The following GNL3L variants were observed in gnomAD, a reference collection of about 807,000 sequenced individuals.
GNL3L encodes the protein guanine nucleotide-binding protein-like 3-like protein.
GNL3L carries 4 observed loss-of-function variants against 42.9 expected under a neutral mutation model. The ratio of observed to expected loss-of-function variants is 0.09; its 90% CI spans 0.05 to 0.21. GNL3L has a LOEUF of 0.21. GNL3L is among the 10% of genes least tolerant of loss of function. The pLI is 1.00. For synonymous variants in GNL3L, 159 were observed against 176.3 expected (o/e 0.90, Z 0.78); for missense variants, 412 against 481.7 (o/e 0.86, Z 1.36).
At chrX:54,644,270 A>G in the GNL3L span, among the ~76,000 whole-genome samples, 55 of 112,205 alleles carry the variant, frequency 4.9e-4, no homozygotes, top group Middle Eastern at 0.014. Context: ...CATCCTTGCC[A>G]GCATCCGTTA....
At chrX:54,631,214 G>A in the GNL3L span, among the ~76,000 whole-genome samples, 100 of 111,718 alleles carry the variant, frequency 9.0e-4, no homozygotes, top group Non-Finnish European at 1.5e-3. Context: ...TTCTAAAGTT[G>A]TTGGGTAGAA....
downstream of GNL3L, among the ~76,000 whole-genome samples, chrX:54,567,955 A>G (rs1043024688): frequency 6.6e-5 from 7 of 106,071 alleles, no homozygotes; most frequent in Non-Finnish European, 1.2e-4. Context: ...CCACTTTGTC[A>G]TGATGTATTA....
chrX:54,553,454 C>T (rs1040368137), intron 13 of GNL3L, among the ~76,000 whole-genome samples: 2 of 112,541 alleles, frequency 1.8e-5, no homozygotes, highest in Non-Finnish European at 3.8e-5. Context: ...CCTTGTGTTA[C>T]ACACGAGGTT....
chrX:54,588,689 G>A (rs1193503863), intron 16 of GNL3L, among the ~76,000 whole-genome samples: 1 of 111,502 alleles, frequency 9.0e-6, no homozygotes, highest in Non-Finnish European at 1.9e-5. Flanking sequence ...GCCAGGCGTG[G>A]TGGCACACGC....
intron 5 of GNL3L, 130 bp downstream of exon 5, chrX:54,541,519 A>T: frequency 3.6e-6 from 1 of 276,099 alleles, no homozygotes; most frequent in Non-Finnish European, 7.0e-6. Context: ...ATAGAAAACC[A>T]TGGGGACGGA....
chrX:54,643,427 T>C, the GNL3L span, among the ~76,000 whole-genome samples: 4 of 111,003 alleles, frequency 3.6e-5, no homozygotes, highest in Non-Finnish European at 7.5e-5. Context: ...CCTTTATGGT[T>C]TTTGGGTTTT....
rs1029024450 is a variant in GNL3L, at chrX:54,565,397, C to G, written c.*4795C>G. Reference sequence around the variant, plus strand: ...ACTTCTAAACTGTTTTTCAAAGTGGCTCTACCATTTCACATTCCCATCAGT... The same window carrying G: ...ACTTCTAAACTGTTTTTCAAAGTGGGTCTACCATTTCACATTCCCATCAGT... On this transcript the variant is annotated 3_prime_UTR_variant, in exon 16 of 16. Coordinates refer to ENST00000360845, the MANE Select transcript of GNL3L (RefSeq NM_001184819.2). Among the ~76,000 whole-genome samples, 2 of 112,534 alleles carry G rather than the reference C, an allele frequency of 1.8e-5. No individual in the cohort carries two copies. The highest frequency in any genetic ancestry group is 3.2e-5 in the African/African-American group (1 of 31,031).
At chrX:54,579,610 C>A (rs952103498) in intron 16 of GNL3L, among the ~76,000 whole-genome samples, 8 of 111,701 alleles carry the variant, frequency 7.2e-5, no homozygotes, top group Non-Finnish European at 1.1e-4. Context: ...ACAGGCTGTT[C>A]TTGATCTTGA....
chrX:54,571,835 A>G (rs1415958893), downstream of GNL3L, among the ~76,000 whole-genome samples: 1 of 109,208 alleles, frequency 9.2e-6, no homozygotes, highest in Admixed American at 9.9e-5. Flanking sequence ...CCATTAATTT[A>G]TCAAATATTT....
the GNL3L span, among the ~76,000 whole-genome samples, chrX:54,629,493 A>G: frequency 9.0e-6 from 1 of 111,540 alleles, no homozygotes; most frequent in African/African-American, 3.3e-5. Context: ...ATTTTGTCAA[A>G]TGCTTTTTCT....
At chrX:54,629,692 G>A in the GNL3L span, among the ~76,000 whole-genome samples, 1 of 111,327 alleles carries the variant, frequency 9.0e-6, no homozygotes, top group African/African-American at 3.3e-5. Flanking sequence ...TTGCATCTAT[G>A]TTCATCAGGG....
intron 16 of GNL3L, among the ~76,000 whole-genome samples, chrX:54,592,849 C>T (rs1353516683): frequency 9.1e-5 from 10 of 109,796 alleles, no homozygotes; most frequent in Non-Finnish European, 1.7e-4. Flanking sequence ...TGAATTTTAT[C>T]AAATGGTTTC....
chrX:54,579,015 A>G (rs898182707), intron 16 of GNL3L, among the ~76,000 whole-genome samples: 1 of 112,193 alleles, frequency 8.9e-6, no homozygotes, highest in Non-Finnish European at 1.9e-5. Flanking sequence ...TTCATGCATA[A>G]TCTGTAAACA....
At chrX:54,615,768 GATCTC>G (rs1279193143) in intron 16 of GNL3L, among the ~76,000 whole-genome samples, 2 of 105,623 alleles carry the variant, frequency 1.9e-5, no homozygotes, top group Non-Finnish European at 3.9e-5. Flanking sequence ...GCTGTGGCGT[GATCTC>G]AGCTCACTGC....
chrX:54,625,288 TG>T (rs1192847722), downstream of GNL3L, among the ~76,000 whole-genome samples: 1 of 88,680 alleles, frequency 1.1e-5, no homozygotes, highest in African/African-American at 7.8e-5. Context: ...GGTTTTGTTT[TG>T]TTTTTTTTTT....
intron 9 of GNL3L, among the ~76,000 whole-genome samples, chrX:54,549,713 G>A (rs1924877349): frequency 1.8e-5 from 2 of 112,096 alleles, no homozygotes; most frequent in Middle Eastern, 9.2e-3. Flanking sequence ...GCGAGACTCC[G>A]TCTCAAAAAA....
chrX:54,593,759 C>T (rs777917635), intron 16 of GNL3L, among the ~76,000 whole-genome samples: 25 of 111,012 alleles, frequency 2.3e-4, no homozygotes, highest in East Asian at 8.5e-4. Context: ...CCTCTTAGCA[C>T]GGCTTTTGCT....
At chrX:54,614,114 TG>T (rs1222521008) in intron 16 of GNL3L, among the ~76,000 whole-genome samples, 1 of 109,553 alleles carries the variant, frequency 9.1e-6, no homozygotes, top group East Asian at 2.9e-4. Flanking sequence ...CTGTGGAGGG[TG>T]GGGGTGAGAT....
rs1484820718 is a variant in GNL3L, at chrX:54,573,252, C to T, written c.*45+12605C>T. ...TCACGCCACTGCACTCCAGCCTGGG[C>T]GCCATTGAGCACTGAGTGAACCAGA... On this transcript the variant is annotated intron_variant, in intron 16 of 16. Transcript: ENST00000674498. Among the ~76,000 whole-genome samples, 19 of 113,319 alleles carry T rather than the reference C, an allele frequency of 1.7e-4. No homozygotes were observed. The Admixed American group carries it at 1.8e-3, about 10-fold the overall frequency.
Sources: allele counts gnomAD v4.1 joint callset (sites outside exome capture counted in the v4.1 genomes callset), GRCh38; gene constraint gnomAD v4.1.1; transcripts MANE v1.5; gene names NCBI Gene and HGNC (gene_info 2026-07-23, HGNC 2026-07-21).